The following RIF1 variants were observed in gnomAD, a reference collection of about 807,000 sequenced individuals.
RIF1 encodes the protein telomere-associated protein RIF1.
Under a neutral mutation model 247.1 loss-of-function variants are expected in RIF1, and 45 were observed. The ratio of observed to expected loss-of-function variants is 0.18; its 90% confidence interval spans 0.14 to 0.23. RIF1 has a LOEUF of 0.23. RIF1 is among the 10% of genes least tolerant of loss of function. RIF1 has a pLI of 1.00. For synonymous variants in RIF1, 1,087 were observed against 978.8 expected (o/e 1.11, Z -2.06); for missense variants, 2,967 against 2,862.5 (o/e 1.04, Z -0.83).
the RIF1 span, among the ~76,000 whole-genome samples, chr2:151,517,373 C>T: frequency 6.6e-6 from 1 of 152,228 alleles, no homozygotes; most frequent in African/African-American, 2.4e-5. Context: ...GGGGCACATA[C>T]TGCCCTACAG....
At position 151,469,774 on chromosome 2, in the gene RIF1, T is replaced by C. The variant is rs1383886876; in HGVS notation, c.7005T>C (p.Thr2335=). 2 of 1,611,604 alleles carry C rather than the reference T, an allele frequency of 1.2e-6. No individual in the cohort carries two copies. Among genetic ancestry groups the C allele is most frequent in the Non-Finnish European group, 1.7e-6 (2 of 1,178,252 alleles). The change falls in exon 34 of 36, where the codon ACT becomes ACC. Residue 2335 remains threonine (T), a synonymous_variant. Transcript: ENST00000444746. ...TAAAAACTATTGGTGATTTGAGTAC[T>C]CTTACAGCATCTGAAATAAAAACTC... ...KNIKTIGDLS[T]LTASEIKTLP... is the part of the protein sequence containing the mutation.
intron 3 of RIF1, among the ~76,000 whole-genome samples, chr2:151,412,897 T>G (rs1686511601): frequency 6.6e-6 from 1 of 152,196 alleles, no homozygotes; most frequent in African/African-American, 2.4e-5. Flanking sequence ...CAACATTTTT[T>G]GTGTAAGCAG....
intron 8 of RIF1, among the ~76,000 whole-genome samples, chr2:151,426,625 C>T (rs1199909427): frequency 6.6e-6 from 1 of 151,832 alleles, no homozygotes; most frequent in African/African-American, 2.4e-5. Flanking sequence ...AGTCTTTCTA[C>T]CCATGAACAC....
At chr2:151,496,989 G>T in intron 10 of RIF1, 2 of 1,580,658 alleles carry the variant, frequency 1.3e-6, no homozygotes, top group African/African-American at 1.3e-5. Flanking sequence ...TCTCAGGAGT[G>T]ACAGGTAGAG....
chr2:151,510,355 T>G (rs2073173690), downstream of RIF1, among the ~76,000 whole-genome samples: 1 of 152,286 alleles, frequency 6.6e-6, no homozygotes, highest in Non-Finnish European at 1.5e-5. Context: ...AAACTTTTGG[T>G]GGGCTTTTGT....
At position 151,475,005 on chromosome 2, in the gene RIF1, G is replaced by A; in HGVS notation, c.7353G>A (p.Met2451Ile). 1 of 1,613,602 alleles carries A rather than the reference G, an allele frequency of 6.2e-7. No individual in the cohort carries two copies. The highest frequency in any genetic ancestry group is 8.5e-7 in the Non-Finnish European group (1 of 1,179,666). Residue 2451 changes from methionine (M) to isoleucine (I), a missense_variant, in exon 36 of 36, where the codon ATG (methionine) becomes ATA (isoleucine). This residue lies in a region of RIF1 where 151 missense variants were observed against 163.4 expected (regional missense o/e 0.92). Coordinates refer to ENST00000444746, the MANE Select transcript of RIF1 (RefSeq NM_018151.5). ...LFEMHEKLSCMANSVIKNLQS... is the reference protein window; with the variant it reads ...LFEMHEKLSCIANSVIKNLQS... Reference sequence around the variant, plus strand: ...AAATGCACGAGAAACTAAGTTGTATGGCAAACTCTGTAATAAAAAATCTAC... The same window carrying A: ...AAATGCACGAGAAACTAAGTTGTATAGCAAACTCTGTAATAAAAAATCTAC...
Position 151,466,051 on chromosome 2 carries a change from G to A in RIF1, c.6531G>A (p.Pro2177=), listed in dbSNP as rs771790343. 5.0e-6 allele frequency: 8 copies of A among 1,611,456 alleles called. No homozygotes were observed. The highest frequency in any genetic ancestry group is 2.2e-5 in the South Asian group (2 of 90,780). Residue 2177 remains proline, a synonymous_variant, in exon 30 of 36, where the codon CCG becomes CCA. Coordinates refer to ENST00000444746, the MANE Select transcript of RIF1 (RefSeq NM_018151.5). Reference sequence around the variant, plus strand: ...GTGTCTGGTCTCCTTTGGCTTCTCCGTCTACGAGCATTTTAAAGAGAGGAC... The same window carrying A: ...GTGTCTGGTCTCCTTTGGCTTCTCCATCTACGAGCATTTTAAAGAGAGGAC... ...TRCVWSPLAS[P]STSILKRGLK...
At chr2:151,471,610 C>T (rs931628827) in intron 34 of RIF1, among the ~76,000 whole-genome samples, 5 of 152,120 alleles carry the variant, frequency 3.3e-5, no homozygotes, top group South Asian at 4.1e-4. Context: ...TTCCCAACAC[C>T]ATTTATTAAA....
At chr2:151,482,301 A>AC (rs1454773559), downstream of RIF1, 1 of 152,100 alleles carries the variant, frequency 6.6e-6, no homozygotes, top group African/African-American at 2.4e-5. Flanking sequence ...ACAAACATGA[A>AC]CCCTTCCTTT....
rs370084612 is a variant in RIF1 at position 151,418,717 on chromosome 2, A to G, written c.504-1473A>G. ...TGGTGAAACCCCATCTCTACTGAAA[A>G]TACAAAATCAGCCGGGCGTGGTGAC... On this transcript the variant is annotated intron_variant, in intron 6 of 35. Coordinates refer to ENST00000444746, the MANE Select transcript of RIF1 (RefSeq NM_018151.5). 2.6e-5 allele frequency among the ~76,000 whole-genome samples: 4 copies of G among 152,140 alleles called. No homozygotes were observed. In the East Asian group the frequency reaches 5.8e-4, roughly 22 times the overall value.
At chr2:151,431,383 A>G (rs2432957) in intron 9 of RIF1, among the ~76,000 whole-genome samples, 1 of 152,070 alleles carries the variant, frequency 6.6e-6, no homozygotes, top group Non-Finnish European at 1.5e-5. Context: ...GTAGTCAAAA[A>G]TTGGGCACCC....
intron 12 of RIF1, among the ~76,000 whole-genome samples, chr2:151,504,173 G>T (rs1037646791): frequency 6.6e-6 from 1 of 152,150 alleles, no homozygotes; most frequent in Non-Finnish European, 1.5e-5. Context: ...TCTTTTAAAT[G>T]GATGGATTCC....
rs1558971667 is a variant in RIF1, at chr2:151,440,095, A to G, written c.1615A>G (p.Lys539Glu). The change falls in exon 15 of 36, where the codon AAG (lysine) becomes GAG (glutamate). Residue 539 changes from lysine (K) to glutamate (E), a missense_variant. By Grantham distance (56) the Lys-to-Glu change is moderately conservative. Coordinates refer to ENST00000444746, the MANE Select transcript of RIF1 (RefSeq NM_018151.5). ...LLLKSLESIV[K>E]SEVFPVSKTL... is the part of the protein sequence containing the mutation. ...ATTAAAGTCTTTGGAAAGCATAGTAAAGTCTGAAGTATTTCCTGTATCAAA... is the reference window on the plus strand; with the variant it reads ...ATTAAAGTCTTTGGAAAGCATAGTAGAGTCTGAAGTATTTCCTGTATCAAA... 1 of 1,594,606 alleles carries G rather than the reference A, an allele frequency of 6.3e-7. No homozygotes were observed.
At chr2:151,492,559 G>A (rs1395565952) in intron 9 of RIF1, 5 of 1,244,014 alleles carry the variant, frequency 4.0e-6, no homozygotes. Context: ...AGCCTTTCCA[G>A]CAGATAGAGA....
the RIF1 span, chr2:151,533,458 G>A: frequency 1.1e-5 from 17 of 1,550,320 alleles, no homozygotes; most frequent in Admixed American, 3.9e-5. Flanking sequence ...CCACATATGC[G>A]AATTGTAGAG....
chr2:151,442,767 A>ATTTTTT (rs59128582), intron 16 of RIF1, among the ~76,000 whole-genome samples: 1 of 104,058 alleles, frequency 9.6e-6, no homozygotes, highest in African/African-American at 3.4e-5. Context: ...AAAGAGCTTG[A>ATTTTTT]TTTTTTTTTT....
chr2:151,424,255 C>T (rs1688632497), intron 8 of RIF1, among the ~76,000 whole-genome samples: 1 of 152,108 alleles, frequency 6.6e-6, no homozygotes, highest in African/African-American at 2.4e-5. Context: ...AGGCATGTGC[C>T]AGTATGTCCG....
At chr2:151,506,149 A>G (rs1298483696) in intron 12 of RIF1, 1 of 1,584,572 alleles carries the variant, frequency 6.3e-7, no homozygotes, top group Admixed American at 1.7e-5. Flanking sequence ...TTGCAAGTGC[A>G]TTCACTGTGT....
intron 18 of RIF1, 42 bp downstream of exon 18, chr2:151,443,751 T>C: frequency 7.9e-7 from 1 of 1,263,920 alleles, no homozygotes; most frequent in Non-Finnish European, 1.0e-6. Context: ...AATAGACCTT[T>C]TTTTTTTGTT....
Sources: gnomAD v4.1 joint callset for allele counts (sites outside exome capture counted in the v4.1 genomes callset) on GRCh38, gnomAD v4.1.1 for gene constraint, gnomAD v4.1.1 regional missense constraint, MANE v1.5 for transcripts, NCBI Gene and HGNC (gene_info 2026-07-23, HGNC 2026-07-21) for gene names.